The following NCALD variants were observed in gnomAD, a reference collection of about 807,000 sequenced individuals.
NCALD encodes the protein neurocalcin delta.
Under a neutral mutation model 18.6 loss-of-function variants are expected in NCALD, and 10 were observed. The ratio of observed to expected loss-of-function variants is 0.54; its 90% CI spans 0.33 to 0.91. NCALD has a LOEUF of 0.91. Among genes scored for constraint, NCALD ranks in the 40% least tolerant of loss-of-function variants. The pLI is 0.03. For missense variants in NCALD, 184 were observed against 247.6 expected (o/e 0.74, Z 1.72); for synonymous variants, 88 against 87.4 (o/e 1.01, Z -0.04).
At chr8:102,085,794 C>G (rs1485245520) in intron 1 of NCALD, among the ~76,000 whole-genome samples, 1 of 151,492 alleles carries the variant, frequency 6.6e-6, no homozygotes, top group Non-Finnish European at 1.5e-5. Context: ...AATATTTGAG[C>G]CTGTCTGGAA....
intron 4 of NCALD, among the ~76,000 whole-genome samples, chr8:101,831,782 A>G (rs1814199125): frequency 6.6e-6 from 1 of 151,970 alleles, no homozygotes; most frequent in Non-Finnish European, 1.5e-5. Flanking sequence ...GACCTCATCT[A>G]GACTATTCTA....
At chr8:101,784,020 A>AC (rs1229606031) in intron 1 of NCALD, among the ~76,000 whole-genome samples, 11 of 151,922 alleles carry the variant, frequency 7.2e-5, no homozygotes, top group Admixed American at 3.3e-4. Flanking sequence ...CTAAGAAATT[A>AC]CCCCCCCACA....
chr8:101,700,756 G>A (rs1336352834), intron 2 of NCALD, among the ~76,000 whole-genome samples: 2 of 152,192 alleles, frequency 1.3e-5, no homozygotes, highest in Non-Finnish European at 1.5e-5. Context: ...TTGCTATTCA[G>A]TATTAGGCTA....
At chr8:102,066,687 G>T (rs532676245) in intron 1 of NCALD, among the ~76,000 whole-genome samples, 1 of 152,360 alleles carries the variant, frequency 6.6e-6, no homozygotes, top group Non-Finnish European at 1.5e-5. Flanking sequence ...CTTGGGGCAC[G>T]TCTGAATAGG....
chr8:102,038,318 T>C (rs1388757758), intron 1 of NCALD, among the ~76,000 whole-genome samples: 19 of 152,110 alleles, frequency 1.2e-4, no homozygotes, highest in Admixed American at 1.2e-3. Context: ...TGCTGATGGG[T>C]CAGCAAGACA....
intron 2 of NCALD, among the ~76,000 whole-genome samples, chr8:101,969,727 AT>A (rs1033446196): frequency 1.6e-4 from 25 of 152,308 alleles, no homozygotes; most frequent in African/African-American, 6.0e-4. Context: ...ATTTCATTAC[AT>A]TTTGTGATAC....
chr8:101,972,973 A>T (rs745835321), intron 2 of NCALD, among the ~76,000 whole-genome samples: 10 of 152,170 alleles, frequency 6.6e-5, no homozygotes, highest in Non-Finnish European at 1.5e-4. Flanking sequence ...TGAAACAAAG[A>T]GCCCCTAAAG....
At chr8:101,818,161 A>G (rs1207267473) in intron 4 of NCALD, among the ~76,000 whole-genome samples, 1 of 152,222 alleles carries the variant, frequency 6.6e-6, no homozygotes, top group Non-Finnish European at 1.5e-5. Context: ...CTTAAAAATA[A>G]AACTTCCATC....
intron 1 of NCALD, among the ~76,000 whole-genome samples, chr8:101,757,034 A>G (rs145183463): frequency 6.6e-6 from 1 of 152,126 alleles, no homozygotes; most frequent in Non-Finnish European, 1.5e-5. Flanking sequence ...ATTCTTTAGG[A>G]ACAACATTTT....
chr8:101,710,091 G>A (rs1400605966), intron 2 of NCALD, among the ~76,000 whole-genome samples: 2 of 152,158 alleles, frequency 1.3e-5, no homozygotes, highest in Non-Finnish European at 2.9e-5. Context: ...ATCTCATTGG[G>A]ACTGGTTAGA....
chr8:101,906,465 G>T (rs992446859), intron 3 of NCALD, among the ~76,000 whole-genome samples: 6 of 152,146 alleles, frequency 3.9e-5, no homozygotes, highest in African/African-American at 1.4e-4. Context: ...TGCCATTGAG[G>T]CACAGAAACG....
At chr8:101,783,720 T>TG (rs1812109361) in intron 1 of NCALD, among the ~76,000 whole-genome samples, 1 of 152,170 alleles carries the variant, frequency 6.6e-6, no homozygotes. Flanking sequence ...TCCCAGTCAG[T>TG]GGGGGCCAAT....
chr8:101,972,893 A>C (rs1355166729), intron 2 of NCALD, among the ~76,000 whole-genome samples: 2 of 152,160 alleles, frequency 1.3e-5, no homozygotes, highest in African/African-American at 4.8e-5. Flanking sequence ...ATCGGCTCAC[A>C]ACAAACAGTT....
chr8:102,024,640 G>A (rs1822391206), intron 1 of NCALD, among the ~76,000 whole-genome samples: 1 of 152,122 alleles, frequency 6.6e-6, no homozygotes, highest in South Asian at 2.1e-4. Context: ...AAATCCTGTA[G>A]ATAGTGCCTA....
chr8:101,933,335 G>A (rs1277454704), intron 2 of NCALD, among the ~76,000 whole-genome samples: 1 of 152,196 alleles, frequency 6.6e-6, no homozygotes, highest in Non-Finnish European at 1.5e-5. Flanking sequence ...AGAAAGCACT[G>A]GGATGATGGA....
At chr8:102,076,664 G>C (rs1268164628) in intron 1 of NCALD, among the ~76,000 whole-genome samples, 2 of 152,078 alleles carry the variant, frequency 1.3e-5, no homozygotes, top group Admixed American at 1.3e-4. Flanking sequence ...TCACCTAAGA[G>C]GCTTCTGGAT....
At position 101,692,814 on chromosome 8, in the gene NCALD, C is replaced by A. The variant is rs767607070; in HGVS notation, c.461G>T (p.Arg154Leu). Residue 154 changes from arginine (R) to leucine (L), a missense_variant, in exon 3 of 4, where the codon CGC becomes CTC. Arg to Leu is a moderately radical substitution (Grantham distance 102, BLOSUM62 -2). Coordinates refer to ENST00000220931, the MANE Select transcript of NCALD (RefSeq NM_032041.3). ...ACCGTCTCTATTGGTGTCCATCTGG[C>A]GGAAGATCTTTTCTGTTCTTTTCTC... The part of the protein sequence containing the change: ...TPEKRTEKIF[R>L]QMDTNRDGKL... 1.9e-6 allele frequency: 3 copies of A among 1,613,486 alleles called. No individual in the cohort carries two copies. The African/African-American group carries it at 4.0e-5, about 22-fold the overall frequency.
intron 4 of NCALD, among the ~76,000 whole-genome samples, chr8:101,833,610 GTTTTTTTTTTT>G (rs555031298): frequency 7.9e-5 from 7 of 88,466 alleles, no homozygotes; most frequent in Non-Finnish European, 1.1e-4. Context: ...TTTGTTTCTT[GTTTTTTTTTTT>G]TTTTTTTTTT....
At chr8:102,110,393 T>G (rs895456519) in intron 1 of NCALD, among the ~76,000 whole-genome samples, 5 of 152,210 alleles carry the variant, frequency 3.3e-5, no homozygotes, top group African/African-American at 1.2e-4. Flanking sequence ...TATTTTGGAT[T>G]GCTTAGGACA....
Sources: allele counts gnomAD v4.1 joint callset (sites outside exome capture counted in the v4.1 genomes callset), GRCh38; gene constraint gnomAD v4.1.1; transcripts MANE v1.5; gene names NCBI Gene and HGNC (gene_info 2026-07-23, HGNC 2026-07-21).